Variants in UGT2B15 observed in about 807,000 individuals in gnomAD.
UGT2B15 encodes UDP-glucuronosyltransferase 2B15.
In UGT2B15, 36 loss-of-function variants were observed where a neutral mutation model predicts 45.9. The ratio of observed to expected loss-of-function variants is 0.78; its 90% CI spans 0.60 to 1.04. The LOEUF (loss-of-function observed/expected upper bound fraction) is 1.04. Among genes scored for constraint, UGT2B15 ranks in the 50% least tolerant of loss-of-function variants. The probability of loss-of-function intolerance (pLI) is 0.00; values close to 1 mark genes in which losing one functional copy is unlikely to be tolerated. For missense variants in UGT2B15, 617 were observed against 622.4 expected (o/e 0.99, Z 0.09); for synonymous variants, 219 against 216.4 (o/e 1.01, Z -0.11).
chr4:68,667,881 T>A (rs1448742364), intron 2 of UGT2B15, among the ~76,000 whole-genome samples, 159 bp downstream of exon 2: 2 of 152,330 alleles, frequency 1.3e-5, no homozygotes, highest in Admixed American at 6.5e-5. Context: ...AACATTCACA[T>A]ACTTGTGATA....
chr4:68,665,623 T>G (rs1329847806), intron 2 of UGT2B15, among the ~76,000 whole-genome samples: 1 of 152,166 alleles, frequency 6.6e-6, no homozygotes, highest in East Asian at 1.9e-4. Flanking sequence ...CTTATTCTTT[T>G]GAAATATACA....
intron 4 of UGT2B15, among the ~76,000 whole-genome samples, 166 bp from the exon 5 acceptor site, chr4:68,654,422 CA>C (rs1477761521): frequency 6.7e-6 from 1 of 149,168 alleles, no homozygotes; most frequent in Non-Finnish European, 1.5e-5. Context: ...GCCAGGTGAA[CA>C]AAATGAAAAA....
intron 5 of UGT2B15, among the ~76,000 whole-genome samples, chr4:68,652,560 A>G (rs151078213): frequency 0.018 from 2,794 of 151,790 alleles, 60 homozygotes; most frequent in Admixed American, 0.039. Context: ...TAACCTCATA[A>G]TAATATTGGT....
chr4:68,646,729 A>ATT lies in UGT2B15; in HGVS notation c.*373_*374dup, dbSNP rs4148274. 1,306 of 141,350 alleles carry ATT rather than the reference A, an allele frequency of 9.2e-3. 17 individuals are homozygous for ATT. The highest frequency in any genetic ancestry group is 0.023 in the African/African-American group (863 of 38,218). The allele number at this position is 141,350 out of a possible 1,614,324, so 8.8% of individuals were successfully genotyped here. A position where few individuals can be genotyped will look rare whatever the true frequency, so the allele number is the denominator to read the frequency against. On this transcript the variant is annotated 3_prime_UTR_variant, in exon 6 of 6. Transcript: ENST00000338206. ...TTCCTGGTTTAAAAAAAAGAGTTGT[A>ATT]TTTTTTTTTTTTGCTTTTTTTAAAT...
chr4:68,667,469 C>T (rs1733174864), intron 2 of UGT2B15, among the ~76,000 whole-genome samples: 1 of 152,108 alleles, frequency 6.6e-6, no homozygotes, highest in Admixed American at 6.5e-5. Flanking sequence ...AGCCACCTTG[C>T]CTGGCCTCTG....
intron 5 of UGT2B15, among the ~76,000 whole-genome samples, chr4:68,649,996 A>T (rs564443515): frequency 1.3e-5 from 2 of 151,510 alleles, no homozygotes; most frequent in African/African-American, 4.9e-5. Flanking sequence ...CCATGCCCAG[A>T]TAATTTTTGT....
At chr4:68,660,661 A>G (rs1732937357) in intron 3 of UGT2B15, among the ~76,000 whole-genome samples, 1 of 151,960 alleles carries the variant, frequency 6.6e-6, no homozygotes, top group Non-Finnish European at 1.5e-5. Flanking sequence ...GTCTTGCCTA[A>G]TGTTTTTCAA....
At chr4:68,650,625 T>C (rs1216446019) in intron 5 of UGT2B15, among the ~76,000 whole-genome samples, 2 of 152,160 alleles carry the variant, frequency 1.3e-5, no homozygotes, top group East Asian at 3.8e-4. Flanking sequence ...CATGTGTCTT[T>C]ATAGTAGAAT....
chr4:68,670,520 G>A lies in UGT2B15; in HGVS notation c.99C>T (p.Tyr33=). ...TTGTCTTCATATTTATCCAATGGCT[G>A]TATTCTGTGGGCCACACTAGCACCT... ...CGKVLVWPTE[Y]SHWINMKTIL... is the part of the protein sequence containing the mutation. The change falls in exon 1 of 6, where the codon TAC becomes TAT. Residue 33 remains tyrosine (Y), a synonymous_variant. Coordinates refer to ENST00000338206, the MANE Select transcript of UGT2B15 (RefSeq NM_001076.4). 4 of 1,613,792 alleles carry A rather than the reference G, an allele frequency of 2.5e-6. No individual in the cohort carries two copies. The highest frequency in any genetic ancestry group is 2.2e-5 in the East Asian group (1 of 44,866).
chr4:68,662,316 T>G (rs1193015530), intron 3 of UGT2B15, among the ~76,000 whole-genome samples: 1 of 151,942 alleles, frequency 6.6e-6, no homozygotes, highest in African/African-American at 2.4e-5. Context: ...AAAAGCAGGA[T>G]TCTATCTCCA....
At position 68,654,126 on chromosome 4, in the gene UGT2B15, T is replaced by C. The variant is rs764682548; in HGVS notation, c.1224A>G (p.Lys408=). The C allele has an allele frequency of 5.6e-6, 9 of 1,613,668 alleles. No individual in the cohort carries two copies. In the Admixed American group the frequency reaches 1.5e-4, roughly 27 times the overall value. ...CCACACTGAGGGCTGCTCCCTTGGC[T>C]TTCATGTGAGCAATGTTATCATGTT... The part of the protein sequence containing the change: ...ADQHDNIAHM[K]AKGAALSVDI... Residue 408 remains lysine (K), a synonymous_variant, in exon 5 of 6, where the codon AAA becomes AAG. Coordinates refer to ENST00000338206, the MANE Select transcript of UGT2B15 (RefSeq NM_001076.4).
intron 3 of UGT2B15, 52 bp from the exon 4 acceptor site, chr4:68,655,234 A>G: frequency 6.3e-7 from 1 of 1,580,862 alleles, no homozygotes; most frequent in East Asian, 2.2e-5. Flanking sequence ...CTAAAAACAT[A>G]GCATGTTAGA....
chr4:68,653,976 A>T lies in UGT2B15; in HGVS notation c.1313+61T>A. 3.8e-6 allele frequency: 6 copies of T among 1,588,982 alleles called. No homozygotes were observed. In the South Asian group the frequency reaches 5.6e-5, roughly 15 times the overall value. The stretch of plus-strand genomic sequence containing the variant: ...GTCTCTTAAAAACGGGTTAAAATTC[A>T]TATTCACTGTTGACAAAATAATTTA... On this transcript the variant is annotated intron_variant, in intron 5 of 5. Transcript: ENST00000338206.
chr4:68,654,365 A>G, intron 4 of UGT2B15, 109 bp from the exon 5 acceptor site: 1 of 1,041,296 alleles, frequency 9.6e-7, no homozygotes, highest in Non-Finnish European at 1.4e-6. Context: ...AGGTAACATT[A>G]TACCCACAAA....
chr4:68,659,993 T>C (rs1336827818), intron 3 of UGT2B15, among the ~76,000 whole-genome samples: 1 of 150,790 alleles, frequency 6.6e-6, no homozygotes, highest in African/African-American at 2.4e-5. Flanking sequence ...AACAATTTAG[T>C]ATACTCCTAT....
rs1349326391 is a variant in UGT2B15 at position 68,670,246 on chromosome 4, T to C, written c.373A>G (p.Asn125Asp). Residue 125 changes from asparagine to aspartate, a missense_variant, in exon 1 of 6, where the codon AAC becomes GAC. By Grantham distance (23) the Asn-to-Asp change is conservative (BLOSUM62 1). Transcript: ENST00000338206. ...ELCWEYYDYS[N>D]KLCKDAVLNK... ...AAAACTGCATCTTTACAGAGCTTGT[T>C]ACTGTAGTCATAATATTCCCAACAC... is the stretch of plus-strand genomic sequence containing the variant. The C allele has an allele frequency of 8.7e-6, 14 of 1,613,910 alleles. No individual in the cohort carries two copies. Among genetic ancestry groups the C allele is most frequent in the Non-Finnish European group, 1.0e-5 (12 of 1,180,000 alleles).
chr4:68,651,745 T>C (rs1473799141), intron 5 of UGT2B15, among the ~76,000 whole-genome samples: 1 of 152,154 alleles, frequency 6.6e-6, no homozygotes, highest in African/African-American at 2.4e-5. Context: ...ATCTGTTTGG[T>C]ACCAGTACCA....
Position 68,647,039 on chromosome 4 carries a change from C to T in UGT2B15, c.*65G>A. 3 of 1,539,090 alleles carry T rather than the reference C, an allele frequency of 1.9e-6. No individual in the cohort carries two copies. The highest frequency in any genetic ancestry group is 1.3e-5 in the South Asian group (1 of 77,168). Reference sequence around the variant, plus strand: ...AAAAAGGAAATCCTCCATTTAAAACCCTCCATGCTGAAATAAAGGAGGAGT... The same window carrying T: ...AAAAAGGAAATCCTCCATTTAAAACTCTCCATGCTGAAATAAAGGAGGAGT... On this transcript the variant is annotated 3_prime_UTR_variant, in exon 6 of 6. Transcript: ENST00000338206.
Position 68,651,411 on chromosome 4 carries a change from C to G in UGT2B15, c.1313+2626G>C, listed in dbSNP as rs574769232. 3.3e-3 allele frequency among the ~76,000 whole-genome samples: 501 copies of G among 152,192 alleles called. 1 individual carries two copies. Among genetic ancestry groups the G allele is most frequent in the Admixed American group, 6.1e-3 (94 of 15,294 alleles). Reference sequence around the variant, plus strand: ...CAGCACCATTTATTTAATAGGGAATCCTTTCCCCATTGCTTGTTTTTGTAT... The same window carrying G: ...CAGCACCATTTATTTAATAGGGAATGCTTTCCCCATTGCTTGTTTTTGTAT... On this transcript the variant is annotated intron_variant, in intron 5 of 5. Coordinates refer to ENST00000338206, the MANE Select transcript of UGT2B15 (RefSeq NM_001076.4).
Sources: allele counts gnomAD v4.1 joint callset (sites outside exome capture counted in the v4.1 genomes callset), GRCh38; gene constraint gnomAD v4.1.1; transcripts MANE v1.5; gene names NCBI Gene and HGNC (gene_info 2026-07-23, HGNC 2026-07-21).